RAB3GAP1: variants seen among roughly 807,000 people sequenced by gnomAD.
The protein encoded by RAB3GAP1 is RAB3 GTPase activating protein catalytic subunit 1.
In RAB3GAP1, 86 loss-of-function variants were observed where a neutral mutation model predicts 130.7. The ratio of observed to expected loss-of-function variants is 0.66; its 90% CI spans 0.55 to 0.79. The LOEUF is 0.79. RAB3GAP1 is among the 30% of genes least tolerant of loss of function. The pLI, the probability that RAB3GAP1 is intolerant of heterozygous loss-of-function variation, is 0.00. For synonymous variants in RAB3GAP1, 367 were observed against 401.7 expected, an observed-to-expected ratio of 0.91 and a Z score of 1.03; for missense variants, 1,029 against 1,169.4, an observed-to-expected ratio of 0.88 and a Z score of 1.75.
At chr2:135,135,387 T>G in intron 16 of RAB3GAP1, 68 bp downstream of exon 16, 1 of 1,491,042 alleles carries the variant, frequency 6.7e-7, no homozygotes, top group Non-Finnish European at 9.3e-7. Flanking sequence ...ATACTAAATG[T>G]AATAATGGGT....
intron 17 of RAB3GAP1, among the ~76,000 whole-genome samples, chr2:135,138,386 G>T (rs1381154436): frequency 6.6e-6 from 1 of 151,924 alleles, no homozygotes; most frequent in Non-Finnish European, 1.5e-5. Context: ...GGAGGTTAAG[G>T]CTGCAGTGAG....
At chr2:135,134,437 A>C (rs1485492382) in intron 15 of RAB3GAP1, among the ~76,000 whole-genome samples, 1 of 152,216 alleles carries the variant, frequency 6.6e-6, no homozygotes, top group South Asian at 2.1e-4. Flanking sequence ...AAATGCTATC[A>C]GTTTTTCCCA....
intron 2 of RAB3GAP1, 131 bp downstream of exon 2, chr2:135,052,616 C>G (rs187406353): frequency 4.8e-6 from 5 of 1,047,586 alleles, no homozygotes; most frequent in Non-Finnish European, 7.2e-6. Context: ...CCCGGGTCTC[C>G]TCCCCCAGTC....
At chr2:135,119,070 TCCTCCCTCCCTC>T (rs60770587) in intron 7 of RAB3GAP1, among the ~76,000 whole-genome samples, 6 of 137,982 alleles carry the variant, frequency 4.3e-5, no homozygotes, top group African/African-American at 1.2e-4. Flanking sequence ...CTTCCTTCCT[TCCTCCCTCCCTC>T]CCTCCCTCCC....
chr2:135,066,889 C>T (rs554428630), intron 3 of RAB3GAP1, among the ~76,000 whole-genome samples: 13 of 152,166 alleles, frequency 8.5e-5, no homozygotes, highest in African/African-American at 3.1e-4. Flanking sequence ...GTGACTGACT[C>T]GTATCTCCCT....
Position 135,133,981 on chromosome 2 carries a change from G to A in RAB3GAP1, c.1447G>A (p.Glu483Lys), listed in dbSNP as rs766787106. ...GAAAGGAGTGGCACACCTCTGGCAG[G>A]AATTTGTTCTTGAAATGCGTTTCCG... Reference protein sequence around the residue: ...GLKGVAHLWQEFVLEMRFRWE... With the variant: ...GLKGVAHLWQKFVLEMRFRWE... The change falls in exon 15 of 24, where the codon GAA (glutamate) becomes AAA (lysine). Residue 483 changes from glutamate (E) to lysine (K), a missense_variant. Physicochemically the swap from Glu to Lys is moderately conservative, Grantham distance 56 (BLOSUM62 1). Coordinates refer to ENST00000264158, the MANE Select transcript of RAB3GAP1 (RefSeq NM_012233.3). The A allele has an allele frequency of 4.3e-6, 7 of 1,613,810 alleles. No individual in the cohort carries two copies. Among genetic ancestry groups the A allele is most frequent in the Non-Finnish European group, 5.1e-6 (6 of 1,179,846 alleles).
At chr2:135,117,723 GCTT>G (rs1396450163) in intron 7 of RAB3GAP1, among the ~76,000 whole-genome samples, 415 of 26,022 alleles carry the variant, frequency 0.016, no homozygotes, top group Middle Eastern at 0.062. Context: ...TTCTTCTTCT[GCTT>G]CTTCTTCTTC....
intron 18 of RAB3GAP1, among the ~76,000 whole-genome samples, chr2:135,152,322 T>C (rs1692199820): frequency 6.6e-6 from 1 of 152,186 alleles, no homozygotes; most frequent in African/African-American, 2.4e-5. Context: ...GAAGATAAGC[T>C]CAAGTGAACC....
intron 24 of RAB3GAP1, among the ~76,000 whole-genome samples, chr2:135,175,837 GCTA>G (rs1239010586): frequency 6.6e-6 from 1 of 152,198 alleles, no homozygotes; most frequent in Non-Finnish European, 1.5e-5. Flanking sequence ...GTGGTAGAGA[GCTA>G]CTGATAAATT....
intron 18 of RAB3GAP1, among the ~76,000 whole-genome samples, chr2:135,151,325 C>T (rs1170040482): frequency 6.6e-6 from 1 of 152,198 alleles, no homozygotes; most frequent in East Asian, 1.9e-4. Context: ...GTGGTGGCCT[C>T]CACCTTGCCA....
rs140404622 is a variant in RAB3GAP1 at position 135,167,659 on chromosome 2, T to C, written c.2710-886T>C. On this transcript the variant is annotated intron_variant, in intron 23 of 23. Coordinates refer to ENST00000264158, the MANE Select transcript of RAB3GAP1 (RefSeq NM_012233.3). ...TTTAAACCATCTTGCTTGTTTCCCT[T>C]TCATCACTGTTTCTTTTCTTACCCC... The C allele has an allele frequency of 1.8e-5, 26 of 1,469,962 alleles. No homozygotes were observed. The East Asian group carries it at 6.2e-4, about 35-fold the overall frequency. The allele number at this position is 1,469,962 out of a possible 1,614,324, so 91.1% of individuals were successfully genotyped here.
intron 5 of RAB3GAP1, among the ~76,000 whole-genome samples, chr2:135,104,322 A>C (rs1481585802): frequency 7.9e-5 from 12 of 152,222 alleles, no homozygotes. Flanking sequence ...ACAATGTATT[A>C]TCAAAATATA....
rs1287391427 is a variant in RAB3GAP1 at position 135,168,666 on chromosome 2, C to A, written c.2831C>A (p.Thr944Asn). 9.9e-6 allele frequency: 16 copies of A among 1,614,096 alleles called. No individual in the cohort carries two copies. The East Asian group carries it at 3.3e-4, about 34-fold the overall frequency. ...GGCCGGGAATTCATTTTGCGCACCA[C>A]TGTGCCGCGCCCTGCTCCCTACTCC... ...PAGREFILRT[T>N]VPRPAPYSKA... Residue 944 changes from threonine to asparagine, a missense_variant, in exon 24 of 24, where the codon ACT (threonine) becomes AAT (asparagine). Thr to Asn is a moderately conservative substitution (Grantham distance 65). This residue lies in a region of RAB3GAP1 where 146 missense variants were observed against 143.7 expected (regional missense o/e 1.02). Coordinates refer to ENST00000264158, the MANE Select transcript of RAB3GAP1 (RefSeq NM_012233.3).
intron 10 of RAB3GAP1, 142 bp from the exon 11 acceptor site, chr2:135,126,441 T>G: frequency 1.1e-6 from 1 of 916,372 alleles, no homozygotes; most frequent in Non-Finnish European, 1.7e-6. Flanking sequence ...AATGGCTCCA[T>G]GTATCTGGAT....
At chr2:135,069,543 T>A (rs1389190166) in intron 3 of RAB3GAP1, among the ~76,000 whole-genome samples, 4 of 152,218 alleles carry the variant, frequency 2.6e-5, no homozygotes, top group Non-Finnish European at 4.4e-5. Context: ...TAAAAATGGT[T>A]GTTGAGAATT....
chr2:135,103,092 A>G (rs1690499827), intron 5 of RAB3GAP1, among the ~76,000 whole-genome samples: 1 of 124,338 alleles, frequency 8.0e-6, no homozygotes, highest in Admixed American at 9.9e-5. Flanking sequence ...GCTGGAGTGC[A>G]GTGGCGAAAT....
intron 14 of RAB3GAP1, among the ~76,000 whole-genome samples, chr2:135,133,592 C>T (rs929534720): frequency 2.0e-5 from 3 of 152,118 alleles, no homozygotes; most frequent in Non-Finnish European, 4.4e-5. Flanking sequence ...ATTTGGAATA[C>T]TTCCTAAATA....
chr2:135,083,059 A>C (rs1689872797), intron 3 of RAB3GAP1, among the ~76,000 whole-genome samples: 1 of 151,828 alleles, frequency 6.6e-6, no homozygotes, highest in African/African-American at 2.4e-5. Flanking sequence ...CATATATATT[A>C]TTTTAAATTG....
At chr2:135,158,922 C>A (rs963934757) in intron 19 of RAB3GAP1, among the ~76,000 whole-genome samples, 51 of 151,272 alleles carry the variant, frequency 3.4e-4, no homozygotes, top group Admixed American at 1.1e-3. Flanking sequence ...TAGATGAACC[C>A]AAAATGAGGA....
Sources: gnomAD v4.1 joint callset for allele counts (sites outside exome capture counted in the v4.1 genomes callset) on GRCh38, gnomAD v4.1.1 for gene constraint, gnomAD v4.1.1 regional missense constraint, MANE v1.5 for transcripts, NCBI Gene and HGNC (gene_info 2026-07-23, HGNC 2026-07-21) for gene names.